ZDHHC15: variants seen among roughly 807,000 people sequenced by gnomAD.
The protein encoded by ZDHHC15 is palmitoyltransferase ZDHHC15.
In ZDHHC15, 19 loss-of-function variants were observed where a neutral mutation model predicts 31.7. The observed-to-expected ratio is 0.60, with a 90% confidence interval of 0.42 to 0.88. ZDHHC15 has a LOEUF of 0.88. Among genes scored for constraint, ZDHHC15 ranks in the 40% least tolerant of loss-of-function variants. The pLI, the probability that ZDHHC15 is intolerant of heterozygous loss-of-function variation, is 0.00. For missense variants in ZDHHC15, 209 were observed against 251.2 expected (o/e 0.83, Z 1.14); for synonymous variants, 103 against 90.0 (o/e 1.14, Z -0.82).
chrX:75,489,437 A>G (rs2084834540), intron 2 of ZDHHC15, among the ~76,000 whole-genome samples: 1 of 111,568 alleles, frequency 9.0e-6, no homozygotes, highest in African/African-American at 3.3e-5. Context: ...GCTCACCAAT[A>G]TCCGCTGTTC....
At chrX:75,420,808 G>A (rs1203066111) in intron 9 of ZDHHC15, among the ~76,000 whole-genome samples, 2 of 110,529 alleles carry the variant, frequency 1.8e-5, no homozygotes, top group East Asian at 5.7e-4. Flanking sequence ...CTGTCCTGGG[G>A]TGGGGAGCTA....
chrX:75,411,326 C>T (rs978363747), intron 10 of ZDHHC15, among the ~76,000 whole-genome samples: 1 of 110,797 alleles, frequency 9.0e-6, no homozygotes, highest in Non-Finnish European at 1.9e-5. Flanking sequence ...CTCCTGCCTG[C>T]CTCAGCCTCC....
At chrX:75,384,891 C>A in intron 10 of ZDHHC15, 1 of 497,343 alleles carries the variant, frequency 2.0e-6, no homozygotes, top group Admixed American at 3.0e-5. Flanking sequence ...AAATAATTGA[C>A]TAAGATTAAA....
At chrX:75,518,824 C>T (rs1489052209) in intron 1 of ZDHHC15, among the ~76,000 whole-genome samples, 2 of 92,325 alleles carry the variant, frequency 2.2e-5, no homozygotes, top group African/African-American at 8.0e-5. Flanking sequence ...CACACACACA[C>T]ACACACACAC....
intron 3 of ZDHHC15, among the ~76,000 whole-genome samples, chrX:75,459,810 G>A (rs1197120683): frequency 4.4e-5 from 5 of 112,495 alleles, no homozygotes; most frequent in Admixed American, 9.4e-5. Context: ...ATCTATTTAC[G>A]CTAAATATAT....
chrX:75,490,422 T>C (rs1346375689), intron 2 of ZDHHC15, among the ~76,000 whole-genome samples: 4 of 110,970 alleles, frequency 3.6e-5, no homozygotes, highest in African/African-American at 9.8e-5. Context: ...CAGAAGAGAG[T>C]GAAGGCCAAT....
chrX:75,464,112 A>G (rs1458449499), intron 3 of ZDHHC15, among the ~76,000 whole-genome samples: 1 of 112,129 alleles, frequency 8.9e-6, no homozygotes, highest in Non-Finnish European at 1.9e-5. Flanking sequence ...GCCATATAAA[A>G]GGATGAGTTC....
At chrX:75,469,248 T>C (rs996145036) in intron 3 of ZDHHC15, among the ~76,000 whole-genome samples, 1 of 111,920 alleles carries the variant, frequency 8.9e-6, no homozygotes, top group East Asian at 2.8e-4. Flanking sequence ...GTGATAAATA[T>C]GTGTAATGAA....
At chrX:75,445,891 C>T (rs1163845993) in intron 4 of ZDHHC15, among the ~76,000 whole-genome samples, 1 of 111,355 alleles carries the variant, frequency 9.0e-6, no homozygotes, top group African/African-American at 3.3e-5. Context: ...TTGGCCTCTC[C>T]AATCCTGTCT....
At chrX:75,469,244 A>G (rs900537939) in intron 3 of ZDHHC15, among the ~76,000 whole-genome samples, 10 of 111,788 alleles carry the variant, frequency 8.9e-5, no homozygotes, top group African/African-American at 3.3e-4. Context: ...TAATGTGATA[A>G]ATATGTGTAA....
chrX:75,453,663 A>G (rs1209028149), intron 3 of ZDHHC15, among the ~76,000 whole-genome samples: 4 of 111,733 alleles, frequency 3.6e-5, no homozygotes, highest in African/African-American at 1.3e-4. Context: ...AACCGAATCC[A>G]GCAGCACATC....
intron 11 of ZDHHC15, among the ~76,000 whole-genome samples, chrX:75,378,083 A>C (rs1317374520): frequency 8.9e-6 from 1 of 111,907 alleles, no homozygotes; most frequent in African/African-American, 3.2e-5. Flanking sequence ...CTCCTTTTTT[A>C]ATCTTTGATA....
chrX:75,420,339 G>A (rs575937787), intron 9 of ZDHHC15, among the ~76,000 whole-genome samples: 6 of 111,582 alleles, frequency 5.4e-5, no homozygotes, highest in South Asian at 3.8e-4. Context: ...AAATGGGAAC[G>A]CTTTTATACT....
At chrX:75,383,067 G>C (rs16991959) in intron 10 of ZDHHC15, among the ~76,000 whole-genome samples, 2 of 111,322 alleles carry the variant, frequency 1.8e-5, no homozygotes, top group Non-Finnish European at 3.8e-5. Flanking sequence ...TAAACTGAAA[G>C]GTAAACAGGA....
At chrX:75,517,700 C>T (rs2085380597) in intron 1 of ZDHHC15, among the ~76,000 whole-genome samples, 1 of 108,909 alleles carries the variant, frequency 9.2e-6, no homozygotes, top group Non-Finnish European at 1.9e-5. Context: ...AACAAACCTG[C>T]ATGTTGTGCA....
rs1294163103 is a variant in ZDHHC15, at chrX:75,370,010, AGTGAATGGAAGAACATTAACAAAGT to A, written c.*2943_*2967del. On this transcript the variant is annotated 3_prime_UTR_variant, in exon 12 of 12. Transcript: ENST00000373367. ...TGTCTCTTTCTGAGGACGCTGTTGG[AGTGAATGGAAGAACATTAACAAAGT>A]GCTCTAAGTCCTGCAAGAACAAATC... 9.0e-6 allele frequency: 1 copy of A among 111,599 alleles called. No homozygotes were observed. The highest frequency in any genetic ancestry group is 1.9e-5 in the Non-Finnish European group (1 of 53,193). 9.2% of individuals were successfully genotyped at this position (111,599 alleles called of 1,213,427 possible). A position where few individuals can be genotyped will look rare whatever the true frequency, so the allele number is the denominator to read the frequency against.
chrX:75,422,199 C>T (rs1569321203), intron 8 of ZDHHC15, among the ~76,000 whole-genome samples: 2 of 111,801 alleles, frequency 1.8e-5, no homozygotes, highest in Admixed American at 9.5e-5. Context: ...AAACTTGTTA[C>T]TGCATATAAA....
chrX:75,398,846 G>A (rs989299190), intron 10 of ZDHHC15, among the ~76,000 whole-genome samples: 6 of 111,394 alleles, frequency 5.4e-5, no homozygotes, highest in Admixed American at 3.8e-4. Flanking sequence ...CCAGCACAAC[G>A]CAGCTGCTCT....
Position 75,379,336 on chromosome X carries a change from C to T in ZDHHC15, c.968-138G>A, listed in dbSNP as rs950881739. On this transcript the variant is annotated intron_variant, in intron 10 of 11. Coordinates refer to ENST00000373367, the MANE Select transcript of ZDHHC15 (RefSeq NM_144969.3). Reference sequence around the variant, plus strand: ...CAAACCTCTAAAGACTGATGTGTAACACAGAAGCATTTGTAACCAGACATT... The same window carrying T: ...CAAACCTCTAAAGACTGATGTGTAATACAGAAGCATTTGTAACCAGACATT... 5.4e-6 allele frequency: 3 copies of T among 559,591 alleles called. No individual in the cohort carries two copies. In the African/African-American group the frequency reaches 6.9e-5, roughly 13 times the overall value. The allele number at this position is 559,591 out of a possible 1,213,427, so 46.1% of individuals were successfully genotyped here. A position where few individuals can be genotyped will look rare whatever the true frequency, so the allele number is the denominator to read the frequency against.
Sources: gnomAD v4.1 joint callset for allele counts (sites outside exome capture counted in the v4.1 genomes callset) on GRCh38, gnomAD v4.1.1 for gene constraint, MANE v1.5 for transcripts, NCBI Gene and HGNC (gene_info 2026-07-23, HGNC 2026-07-21) for gene names.